The following TRAPPC8 variants were observed in gnomAD, a reference collection of about 807,000 sequenced individuals.
TRAPPC8 encodes general sporulation gene 1 homolog.
Under a neutral mutation model 174.3 loss-of-function variants are expected in TRAPPC8, and 54 were observed. That is an observed-to-expected ratio of 0.31 (90% CI 0.25 to 0.39). The LOEUF (loss-of-function observed/expected upper bound fraction) is 0.39, where lower values mean the gene tolerates loss of function less well. Among genes scored for constraint, TRAPPC8 ranks in the 10% least tolerant of loss-of-function variants. TRAPPC8 has a pLI of 1.00. For missense variants in TRAPPC8, 1,531 were observed against 1,699.1 expected, an observed-to-expected ratio of 0.90 and a Z score of 1.74; for synonymous variants, 630 against 579.9, an observed-to-expected ratio of 1.09 and a Z score of -1.24.
chr18:31,940,845 AG>A (rs2038304695), intron 1 of TRAPPC8, among the ~76,000 whole-genome samples: 1 of 152,156 alleles, frequency 6.6e-6, no homozygotes, highest in Non-Finnish European at 1.5e-5. Flanking sequence ...TCAATTAGAC[AG>A]CACTGCTCTA....
rs2032292158 is a variant in TRAPPC8, at chr18:31,830,464, C to A, written c.*291G>T. ...ACCATTGACAAGTTGTAACAGCAGA[C>A]TTAGACTTTGTGTTTTCTTAAGATG... On this transcript the variant is annotated 3_prime_UTR_variant, in exon 29 of 29. Transcript: ENST00000283351. 3 of 337,580 alleles carry A rather than the reference C, an allele frequency of 8.9e-6. No homozygotes were observed. Among genetic ancestry groups the A allele is most frequent in the Non-Finnish European group, 5.5e-6 (1 of 183,348 alleles). 20.9% of individuals were successfully genotyped at this position (337,580 alleles called of 1,614,324 possible).
At chr18:31,831,636 T>C (rs573654612) in intron 28 of TRAPPC8, among the ~76,000 whole-genome samples, 47 of 152,238 alleles carry the variant, frequency 3.1e-4, no homozygotes, top group African/African-American at 1.1e-3. Flanking sequence ...GTTTATAATA[T>C]TGAAAAATGG....
chr18:31,869,218 C>G (rs757917398), intron 16 of TRAPPC8, among the ~76,000 whole-genome samples: 2 of 151,534 alleles, frequency 1.3e-5, no homozygotes, highest in Non-Finnish European at 2.9e-5. Flanking sequence ...ACATAAAGGA[C>G]TTATTAGACA....
At chr18:31,909,523 A>G in intron 6 of TRAPPC8, 144 bp downstream of exon 6, 2 of 1,375,206 alleles carry the variant, frequency 1.5e-6, no homozygotes, top group Non-Finnish European at 1.9e-6. Context: ...GCTCAGTAAA[A>G]TCTTCAGAAG....
chr18:31,857,607 C>T lies in TRAPPC8; in HGVS notation c.3121G>A (p.Glu1041Lys), dbSNP rs750283882. The T allele has an allele frequency of 1.2e-6, 2 of 1,613,190 alleles. No homozygotes were observed. The highest frequency in any genetic ancestry group is 1.7e-6 in the Non-Finnish European group (2 of 1,179,756). ...QLPMWLRGPD[E>K]EGVHEINFLF... Reference sequence around the variant, plus strand: ...AAGTTAATTTCATGGACACCTTCTTCATCAGGCCCACGTAACCACATTGGC... The same window carrying T: ...AAGTTAATTTCATGGACACCTTCTTTATCAGGCCCACGTAACCACATTGGC... The change falls in exon 20 of 29, where the codon GAA becomes AAA. Residue 1041 changes from glutamate (E) to lysine (K), a missense_variant. Glu to Lys is a moderately conservative substitution (Grantham distance 56). Coordinates refer to ENST00000283351, the MANE Select transcript of TRAPPC8 (RefSeq NM_014939.5).
At chr18:31,852,342 C>G in intron 24 of TRAPPC8, 104 bp downstream of exon 24, 5 of 1,318,246 alleles carry the variant, frequency 3.8e-6, no homozygotes, top group Non-Finnish European at 5.3e-6. Context: ...GTCTCCCCCC[C>G]AAAAAAAAGC....
intron 2 of TRAPPC8, among the ~76,000 whole-genome samples, chr18:31,923,056 T>C (rs2037457878): frequency 6.6e-6 from 1 of 152,194 alleles, no homozygotes; most frequent in Admixed American, 6.5e-5. Context: ...TGTACTGTTT[T>C]ACCTGGTAAG....
chr18:31,871,304 CTGA>C (rs2034848669), intron 14 of TRAPPC8, among the ~76,000 whole-genome samples, 184 bp from the exon 15 acceptor site: 1 of 152,000 alleles, frequency 6.6e-6, no homozygotes, highest in Non-Finnish European at 1.5e-5. Context: ...GCTTATAATA[CTGA>C]TGTTCTTTTC....
chr18:31,849,533 T>A (rs778729579), intron 25 of TRAPPC8, 33 bp downstream of exon 25: 4 of 1,541,024 alleles, frequency 2.6e-6, no homozygotes, highest in Non-Finnish European at 3.5e-6. Flanking sequence ...TATCTATAAG[T>A]GAGGCTTGCT....
At chr18:31,851,980 G>T (rs2033729454) in intron 24 of TRAPPC8, among the ~76,000 whole-genome samples, 1 of 151,960 alleles carries the variant, frequency 6.6e-6, no homozygotes, top group Non-Finnish European at 1.5e-5. Context: ...AGCATTTTTG[G>T]TTTGTTTTGG....
chr18:31,884,918 A>T (rs2035633160), intron 12 of TRAPPC8, among the ~76,000 whole-genome samples: 2 of 149,698 alleles, frequency 1.3e-5, no homozygotes, highest in Admixed American at 1.3e-4. Flanking sequence ...CAGTGGCGCG[A>T]TATCAGCTCA....
chr18:31,891,945 CA>C (rs1368045894), intron 11 of TRAPPC8, among the ~76,000 whole-genome samples: 1 of 152,078 alleles, frequency 6.6e-6, no homozygotes, highest in Non-Finnish European at 1.5e-5. Context: ...CTCCTCCTGA[CA>C]AAAACTAAAT....
intron 11 of TRAPPC8, among the ~76,000 whole-genome samples, chr18:31,897,135 C>T (rs2036216567): frequency 6.6e-6 from 1 of 152,066 alleles, no homozygotes; most frequent in African/African-American, 2.4e-5. Context: ...TGATTTTGTT[C>T]CTTCGTTCTT....
intron 20 of TRAPPC8, among the ~76,000 whole-genome samples, chr18:31,857,083 T>C (rs1163372895): frequency 6.6e-6 from 1 of 152,192 alleles, no homozygotes; most frequent in Non-Finnish European, 1.5e-5. Flanking sequence ...CATTATAATC[T>C]TCTCTTCTGT....
chr18:31,857,265 T>G (rs1234482976), intron 20 of TRAPPC8, among the ~76,000 whole-genome samples: 1 of 152,212 alleles, frequency 6.6e-6, no homozygotes, highest in Non-Finnish European at 1.5e-5. Flanking sequence ...CATTATTATG[T>G]GATAGCTCTG....
At position 31,871,111 on chromosome 18, in the gene TRAPPC8, T is replaced by C; in HGVS notation, c.2072A>G (p.Gln691Arg). 6.5e-7 allele frequency: 1 copy of C among 1,538,818 alleles called. No individual in the cohort carries two copies. The highest frequency in any genetic ancestry group is 8.8e-7 in the Non-Finnish European group (1 of 1,136,860). The part of the protein sequence containing the change: ...HDRRPADGEK[Q>R]AATHVSLDQE... ...ATCAAGACTTACATGAGTAGCTGCT[T>C]GTTTTTCACCTAAAAAAAATTTGTT... The change falls in exon 15 of 29, where the codon CAA (glutamine) becomes CGA (arginine). Residue 691 changes from glutamine (Q) to arginine (R), a missense_variant. Physicochemically the swap from Gln to Arg is conservative, Grantham distance 43. Coordinates refer to ENST00000283351, the MANE Select transcript of TRAPPC8 (RefSeq NM_014939.5).
chr18:31,902,863 C>T (rs1390675048), intron 9 of TRAPPC8, among the ~76,000 whole-genome samples: 1 of 152,014 alleles, frequency 6.6e-6, no homozygotes, highest in Non-Finnish European at 1.5e-5. Flanking sequence ...TCCTGGCTAA[C>T]ACAGTGAAAC....
chr18:31,864,679 C>T lies in TRAPPC8; in HGVS notation c.2693G>A (p.Gly898Asp). The change falls in exon 19 of 29, where the codon GGC (glycine) becomes GAC (aspartate). Residue 898 changes from glycine (G) to aspartate (D), a missense_variant. Coordinates refer to ENST00000283351, the MANE Select transcript of TRAPPC8 (RefSeq NM_014939.5). ...TKEEKTSVKY[G>D]PDRRLDPIIT... ...TATGGGATCTAAACGTCGATCAGGG[C>T]CATATTTAACAGATGTTTTCTCTTC... is the stretch of plus-strand genomic sequence containing the variant. 1 of 1,612,898 alleles carries T rather than the reference C, an allele frequency of 6.2e-7. No homozygotes were observed. The highest frequency in any genetic ancestry group is 8.5e-7 in the Non-Finnish European group (1 of 1,179,414).
chr18:31,912,640 G>A (rs769002085), intron 5 of TRAPPC8, among the ~76,000 whole-genome samples: 1 of 151,914 alleles, frequency 6.6e-6, no homozygotes, highest in African/African-American at 2.4e-5. Context: ...CAGCCTTGGC[G>A]ACAGAGCAAC....
Sources: allele counts gnomAD v4.1 joint callset (sites outside exome capture counted in the v4.1 genomes callset), GRCh38; gene constraint gnomAD v4.1.1; transcripts MANE v1.5; gene names NCBI Gene and HGNC (gene_info 2026-07-23, HGNC 2026-07-21).